Variants in CCM2 observed in about 807,000 individuals in gnomAD.
The protein encoded by CCM2 is cerebral cavernous malformations 2 protein.
Under a neutral mutation model 44.9 loss-of-function variants are expected in CCM2, and 25 were observed. That is an observed-to-expected ratio of 0.56 (90% CI 0.41 to 0.78). The LOEUF (loss-of-function observed/expected upper bound fraction) is 0.78, where lower values mean the gene tolerates loss of function less well. Among genes scored for constraint, CCM2 ranks in the 30% least tolerant of loss-of-function variants. The pLI, the probability that CCM2 is intolerant of heterozygous loss-of-function variation, is 0.00. For missense variants in CCM2, 481 were observed against 580.6 expected (o/e 0.83, Z 1.76); for synonymous variants, 219 against 241.1 (o/e 0.91, Z 0.85).
At chr7:45,016,924 C>T (rs191065387) in intron 1 of CCM2, among the ~76,000 whole-genome samples, 4 of 152,258 alleles carry the variant, frequency 2.6e-5, no homozygotes, top group Admixed American at 6.5e-5. Context: ...TGAGCCACCT[C>T]GCTTGGCTAA....
intron 2 of CCM2, among the ~76,000 whole-genome samples, chr7:45,054,477 G>A (rs1798160050): frequency 1.4e-5 from 2 of 143,056 alleles, no homozygotes; most frequent in South Asian, 4.7e-4. Context: ...ACTGATTTAG[G>A]ATCAATATTA....
Position 45,043,874 on chromosome 7 carries a change from T to G in CCM2, c.204+5448T>G, listed in dbSNP as rs141742238. Among the ~76,000 whole-genome samples the G allele has an allele frequency of 1.6e-3, 240 of 152,324 alleles. 1 individual carries two copies. Among genetic ancestry groups the G allele is most frequent in the African/African-American group, 5.3e-3 (220 of 41,568 alleles). On this transcript the variant is annotated intron_variant, in intron 2 of 9. Transcript: ENST00000258781. The stretch of plus-strand genomic sequence containing the variant: ...TGTATTCATTCAACCCTGAATTAAA[T>G]TGTTTGTTTCTACTATATCTGATTG...
At chr7:45,045,341 A>G (rs1055848277) in intron 2 of CCM2, among the ~76,000 whole-genome samples, 6 of 151,906 alleles carry the variant, frequency 3.9e-5, no homozygotes, top group African/African-American at 1.5e-4. Context: ...GAATTGCTTA[A>G]TAATACCATA....
At chr7:45,071,482 A>G (rs1383818974) in intron 6 of CCM2, 4 of 279,844 alleles carry the variant, frequency 1.4e-5, no homozygotes, top group African/African-American at 9.1e-5. Flanking sequence ...ACATGCATGC[A>G]TTCTCTGCTT....
chr7:45,025,925 G>T (rs1458352150), intron 1 of CCM2, among the ~76,000 whole-genome samples: 2 of 152,156 alleles, frequency 1.3e-5, no homozygotes, highest in African/African-American at 4.8e-5. Flanking sequence ...GTAGGTTCCT[G>T]TGCCTGTCTC....
intron 1 of CCM2, among the ~76,000 whole-genome samples, chr7:45,022,998 C>T (rs1036580903): frequency 6.6e-6 from 1 of 152,090 alleles, no homozygotes; most frequent in African/African-American, 2.4e-5. Flanking sequence ...GCCTCGGCCT[C>T]CCAAAGTGCT....
intron 1 of CCM2, among the ~76,000 whole-genome samples, chr7:45,022,584 G>T (rs547425930): frequency 6.6e-6 from 1 of 151,934 alleles, no homozygotes; most frequent in South Asian, 2.1e-4. Context: ...GGGATTACAG[G>T]CATGAGCCAC....
intron 1 of CCM2, among the ~76,000 whole-genome samples, chr7:45,015,623 C>T (rs1796235042): frequency 6.6e-6 from 1 of 152,200 alleles, no homozygotes; most frequent in South Asian, 2.1e-4. Context: ...CAGTTTTCCC[C>T]ATGTCTTGCA....
rs1798899357 is a variant in CCM2, at chr7:45,068,559, A to C, written c.589A>C (p.Ile197Leu). Reference sequence around the variant, plus strand: ...GCCCGTGGAGGCATGCTGCCTGGTCATCCTGGCTGCAGAGAGCAAGGTGAG... The same window carrying C: ...GCCCGTGGAGGCATGCTGCCTGGTCCTCCTGGCTGCAGAGAGCAAGGTGAG... ...VGPVEACCLVILAAESKVAAE... is the reference protein window; with the variant it reads ...VGPVEACCLVLLAAESKVAAE... The change falls in exon 5 of 10, where the codon ATC becomes CTC. Residue 197 changes from isoleucine (I) to leucine (L), a missense_variant. By Grantham distance (5) the Ile-to-Leu change is conservative. Coordinates refer to ENST00000258781, the MANE Select transcript of CCM2 (RefSeq NM_031443.4). 13 of 1,613,936 alleles carry C rather than the reference A, an allele frequency of 8.1e-6. No homozygotes were observed. The highest frequency in any genetic ancestry group is 1.1e-5 in the Non-Finnish European group (13 of 1,180,020).
chr7:45,007,939 T>C (rs978943782), intron 1 of CCM2, among the ~76,000 whole-genome samples: 6 of 152,238 alleles, frequency 3.9e-5, no homozygotes, highest in Non-Finnish European at 8.8e-5. Context: ...CAGGTTTTTT[T>C]CAAAAAATCA....
chr7:45,065,131 C>T (rs1302555466), intron 4 of CCM2, among the ~76,000 whole-genome samples: 1 of 151,642 alleles, frequency 6.6e-6, no homozygotes, highest in East Asian at 1.9e-4. Context: ...TCCTTGCCGT[C>T]TGCTGCTTTC....
chr7:45,073,595 T>C, intron 8 of CCM2, 24 bp downstream of exon 8: 1 of 1,512,144 alleles, frequency 6.6e-7, no homozygotes, highest in Non-Finnish European at 9.1e-7. Flanking sequence ...GCAGGGACGC[T>C]GGGCTGCATG....
At chr7:45,027,498 T>C (rs1796742354) in intron 1 of CCM2, 1 of 799,934 alleles carries the variant, frequency 1.3e-6, no homozygotes. Flanking sequence ...GTTTACTTTG[T>C]GTCTTTTTGT....
chr7:45,004,187 A>C (rs1238039946), intron 1 of CCM2, among the ~76,000 whole-genome samples: 1 of 152,172 alleles, frequency 6.6e-6, no homozygotes, highest in Non-Finnish European at 1.5e-5. Context: ...AAAGAGAAAA[A>C]AAAGGTTATA....
intron 1 of CCM2, among the ~76,000 whole-genome samples, chr7:45,013,645 T>C (rs1035822251): frequency 2.0e-5 from 3 of 152,258 alleles, no homozygotes; most frequent in Admixed American, 6.5e-5. Flanking sequence ...CTGATTGTTA[T>C]GATACTTTCT....
At chr7:45,027,864 C>T in intron 1 of CCM2, 1 of 1,527,954 alleles carries the variant, frequency 6.5e-7, no homozygotes, top group Non-Finnish European at 9.0e-7. Context: ...TTGTGGGTGG[C>T]TTTCATGGCT....
At chr7:45,062,396 C>T (rs1157065223) in intron 2 of CCM2, among the ~76,000 whole-genome samples, 1 of 152,118 alleles carries the variant, frequency 6.6e-6, no homozygotes, top group African/African-American at 2.4e-5. Context: ...AGTGCTGCTG[C>T]CCACAGCCTT....
chr7:45,012,413 T>G (rs920964202), intron 1 of CCM2, among the ~76,000 whole-genome samples: 6 of 152,008 alleles, frequency 3.9e-5, no homozygotes, highest in Admixed American at 2.0e-4. Context: ...GGATTACAGG[T>G]GTGAGCCACT....
intron 2 of CCM2, among the ~76,000 whole-genome samples, chr7:45,041,856 C>A (rs1224690471): frequency 6.6e-6 from 1 of 152,130 alleles, no homozygotes. Context: ...TTCCTTCCAA[C>A]CAGGGAAGAA....
Sources: gnomAD v4.1 joint callset for allele counts (sites outside exome capture counted in the v4.1 genomes callset) on GRCh38, gnomAD v4.1.1 for gene constraint, MANE v1.5 for transcripts, NCBI Gene and HGNC (gene_info 2026-07-23, HGNC 2026-07-21) for gene names.